Variants in TFEC observed in about 807,000 individuals in gnomAD.
The protein encoded by TFEC is class E basic helix-loop-helix protein 34.
A neutral mutation model predicts 41.6 loss-of-function variants in TFEC; 31 were observed. The observed-to-expected ratio is 0.74, with a 90% CI of 0.56 to 1.01. The LOEUF is 1.01. Ranked by LOEUF, TFEC falls within the 50% of genes least tolerant of loss-of-function variation. The pLI is 0.00. For missense variants in TFEC, 402 were observed against 404.1 expected (o/e 0.99, Z 0.04); for synonymous variants, 143 against 140.6 (o/e 1.02, Z -0.12).
In TFEC at chr7:116,085,117, T is replaced by C. The variant is rs1203929924; in HGVS notation, c.198+25591A>G. On this transcript the variant is annotated intron_variant, in intron 3 of 8. Coordinates refer to the TFEC transcript ENST00000484212. Reference sequence around the variant, plus strand: ...AGAGCAGGGCAGAAGGAACAGCATATGCAAAGTCTTATTAGAAGTAAGCTT... The same window carrying C: ...AGAGCAGGGCAGAAGGAACAGCATACGCAAAGTCTTATTAGAAGTAAGCTT... 2.6e-5 allele frequency among the ~76,000 whole-genome samples: 4 copies of C among 151,858 alleles called. No homozygotes were observed. In the South Asian group the frequency reaches 6.2e-4, roughly 24 times the overall value.
chr7:116,146,885 ATAT>A (rs1046496895), intron 1 of TFEC, among the ~76,000 whole-genome samples: 2 of 152,170 alleles, frequency 1.3e-5, no homozygotes, highest in Non-Finnish European at 2.9e-5. Context: ...AAGAAAGAAA[ATAT>A]TATGGGAGCT....
At chr7:116,010,597 C>T (rs984783537) in intron 1 of TFEC, among the ~76,000 whole-genome samples, 2 of 152,060 alleles carry the variant, frequency 1.3e-5, no homozygotes. Flanking sequence ...ATGTATGGTC[C>T]ATTATAATTT....
At chr7:115,968,395 A>G in intron 3 of TFEC, 1 of 1,141,866 alleles carries the variant, frequency 8.8e-7, no homozygotes, top group Non-Finnish European at 1.2e-6. Context: ...GATGTTATGC[A>G]GTCCTTTCAA....
chr7:116,091,756 G>C (rs1468117507), intron 3 of TFEC, among the ~76,000 whole-genome samples: 1 of 151,880 alleles, frequency 6.6e-6, no homozygotes, highest in African/African-American at 2.4e-5. Context: ...GGCTGAAAAT[G>C]TGCATTGTTC....
intron 3 of TFEC, among the ~76,000 whole-genome samples, chr7:116,047,986 C>T (rs1205886191): frequency 2.0e-5 from 3 of 152,230 alleles, no homozygotes; most frequent in Non-Finnish European, 2.9e-5. Context: ...ATCAGTACAT[C>T]ACCATCATCA....
At chr7:116,087,823 T>C (rs547668775) in intron 3 of TFEC, among the ~76,000 whole-genome samples, 3 of 152,100 alleles carry the variant, frequency 2.0e-5, no homozygotes, top group Non-Finnish European at 4.4e-5. Context: ...ACCCATTCTG[T>C]TGTTGCATTA....
At chr7:116,003,539 G>A (rs891272722) in intron 1 of TFEC, among the ~76,000 whole-genome samples, 15 of 152,082 alleles carry the variant, frequency 9.9e-5, no homozygotes, top group African/African-American at 3.4e-4. Context: ...ACTATTACAG[G>A]TGGATACTTC....
intron 1 of TFEC, among the ~76,000 whole-genome samples, chr7:116,149,979 A>G (rs1188661482): frequency 1.3e-5 from 2 of 152,158 alleles, no homozygotes; most frequent in Non-Finnish European, 2.9e-5. Context: ...GTCAACATAA[A>G]ACCAAATGGA....
rs532360882 is a variant in TFEC at position 116,106,987 on chromosome 7, G to T, written c.198+3721C>A. On this transcript the variant is annotated intron_variant, in intron 3 of 8. Transcript: ENST00000484212. ...AGATTTTTTAAATGTTTAAGATTTA[G>T]AGACTATATTTGGGTCAAACCAACT... Among the ~76,000 whole-genome samples, 3 of 152,214 alleles carry T rather than the reference G, an allele frequency of 2.0e-5. No homozygotes were observed. The East Asian group carries it at 5.8e-4, about 29-fold the overall frequency.
intron 1 of TFEC, among the ~76,000 whole-genome samples, chr7:115,993,734 T>C (rs969234301): frequency 1.1e-4 from 17 of 152,212 alleles, no homozygotes; most frequent in African/African-American, 3.9e-4. Context: ...AAGAATTCCA[T>C]GCTCGTGGAT....
chr7:115,982,168 G>A (rs1487353110), intron 2 of TFEC, among the ~76,000 whole-genome samples: 1 of 150,922 alleles, frequency 6.6e-6, no homozygotes, highest in African/African-American at 2.4e-5. Flanking sequence ...TTGAATTGAT[G>A]AAATGCTCCC....
chr7:115,977,910 AC>A (rs11339501), intron 2 of TFEC, among the ~76,000 whole-genome samples: 107,786 of 151,584 alleles, frequency 0.71, 38,458 homozygotes, highest in African/African-American at 0.79. Flanking sequence ...GTAGAAAAAA[AC>A]ATAATGATGA....
intron 1 of TFEC, among the ~76,000 whole-genome samples, chr7:116,020,047 C>T (rs1178633691): frequency 1.3e-5 from 2 of 152,132 alleles, no homozygotes; most frequent in East Asian, 1.9e-4. Flanking sequence ...GCCTGCCTTG[C>T]TTCATTTAAT....
At chr7:116,068,268 T>C (rs896804379) in intron 3 of TFEC, among the ~76,000 whole-genome samples, 2 of 151,826 alleles carry the variant, frequency 1.3e-5, no homozygotes, top group Non-Finnish European at 2.9e-5. Flanking sequence ...AGCTCAGCCC[T>C]GATCTCACTG....
intron 1 of TFEC, among the ~76,000 whole-genome samples, chr7:115,987,629 A>G (rs929311998): frequency 1.3e-5 from 2 of 152,140 alleles, no homozygotes; most frequent in Non-Finnish European, 2.9e-5. Context: ...TAGACAGGGT[A>G]GTAAAAAATG....
At chr7:116,000,371 T>C (rs770816535) in intron 1 of TFEC, among the ~76,000 whole-genome samples, 14 of 152,136 alleles carry the variant, frequency 9.2e-5, no homozygotes, top group Admixed American at 2.0e-4. Context: ...GGAAAAAAAC[T>C]GAAATCCTTT....
intron 6 of TFEC, among the ~76,000 whole-genome samples, chr7:115,948,703 A>C (rs1401587928): frequency 6.6e-6 from 1 of 150,590 alleles, no homozygotes; most frequent in Non-Finnish European, 1.5e-5. Context: ...GTATCTCAAA[A>C]TAATAAGAGC....
chr7:116,089,933 G>A (rs1462400107), intron 3 of TFEC, among the ~76,000 whole-genome samples: 1 of 152,076 alleles, frequency 6.6e-6, no homozygotes, highest in Non-Finnish European at 1.5e-5. Context: ...GGGTGTCAAG[G>A]TTTGGATCAC....
intron 1 of TFEC, among the ~76,000 whole-genome samples, chr7:116,028,939 G>C (rs1455648800): frequency 6.6e-6 from 1 of 151,996 alleles, no homozygotes; most frequent in Non-Finnish European, 1.5e-5. Flanking sequence ...ATATAAGTTA[G>C]TAGTATTTCT....
Sources: allele counts gnomAD v4.1 joint callset (sites outside exome capture counted in the v4.1 genomes callset), GRCh38; gene constraint gnomAD v4.1.1; transcripts MANE v1.5; gene names NCBI Gene and HGNC (gene_info 2026-07-23, HGNC 2026-07-21).